Variants in CAMTA1 observed in about 807,000 individuals in gnomAD.
CAMTA1 encodes the protein calmodulin binding transcription activator 1.
A neutral mutation model predicts 170.9 loss-of-function variants in CAMTA1; 27 were observed. The ratio of observed to expected loss-of-function variants is 0.16; its 90% CI spans 0.12 to 0.22. The LOEUF (loss-of-function observed/expected upper bound fraction) is 0.22, where lower values mean the gene tolerates loss of function less well. Among genes scored for constraint, CAMTA1 ranks in the 10% least tolerant of loss-of-function variants. CAMTA1 has a pLI of 1.00. For missense variants in CAMTA1, 1,619 were observed against 2,217.2 expected (o/e 0.73, Z 5.42); for synonymous variants, 833 against 891.5 (o/e 0.93, Z 1.17).
intron 6 of CAMTA1, among the ~76,000 whole-genome samples, chr1:7,529,144 T>C (rs1367031221): frequency 6.6e-6 from 1 of 152,102 alleles, no homozygotes; most frequent in Non-Finnish European, 1.5e-5. Context: ...GGGGCCTCCA[T>C]AAAACTCATA....
chr1:7,441,280 C>T (rs1202593617), intron 5 of CAMTA1: 1 of 152,232 alleles, frequency 6.6e-6, no homozygotes, highest in Non-Finnish European at 1.5e-5. Context: ...GGGCACACAC[C>T]CTTGATGCTT....
chr1:7,003,696 A>T (rs1450394792), intron 3 of CAMTA1, among the ~76,000 whole-genome samples: 2 of 152,240 alleles, frequency 1.3e-5, no homozygotes, highest in East Asian at 3.8e-4. Context: ...GAGGCCACAG[A>T]GGTACTTTGT....
chr1:7,281,375 A>C (rs1162922276), intron 5 of CAMTA1, among the ~76,000 whole-genome samples: 1 of 152,216 alleles, frequency 6.6e-6, no homozygotes, highest in African/African-American at 2.4e-5. Context: ...GAGAAAATAA[A>C]AGTTGTAGAA....
rs2095996348 is a variant in CAMTA1, at chr1:7,665,805, T to C, written c.2652+606T>C. On this transcript the variant is annotated intron_variant, in intron 9 of 22. Transcript: ENST00000303635. This position sits in a 1 kb window ranked among gnomAD's most constrained non-coding sequence, Gnocchi z 4.3. ...CGTCTGCCGTTTCTCAATTTATGTG[T>C]TGAGTCCATCTATGTTTTGCTTTGC... Among the ~76,000 whole-genome samples, 1 of 152,118 alleles carries C rather than the reference T, an allele frequency of 6.6e-6. No individual in the cohort carries two copies. The highest frequency in any genetic ancestry group is 6.5e-5 in the Admixed American group (1 of 15,282).
At chr1:7,711,653 G>T (rs150700768) in intron 11 of CAMTA1, among the ~76,000 whole-genome samples, 147 of 152,290 alleles carry the variant, frequency 9.7e-4, no homozygotes, top group African/African-American at 3.5e-3. Flanking sequence ...TTTCCAGAAA[G>T]TATGGTTCAA....
chr1:7,672,288 G>A (rs1180971079), intron 10 of CAMTA1, among the ~76,000 whole-genome samples: 1 of 151,864 alleles, frequency 6.6e-6, no homozygotes, highest in Non-Finnish European at 1.5e-5. Context: ...TCCACCCAAG[G>A]TGGTCCAGCC....
intron 3 of CAMTA1, among the ~76,000 whole-genome samples, chr1:6,998,006 T>C (rs1697588480): frequency 6.6e-6 from 1 of 152,142 alleles, no homozygotes; most frequent in African/African-American, 2.4e-5. Flanking sequence ...ATCTTTTTTT[T>C]GATGCATTCT....
At chr1:7,099,117 C>T (rs61782776) in intron 4 of CAMTA1, among the ~76,000 whole-genome samples, 17,046 of 151,472 alleles carry the variant, frequency 0.11, 1,151 homozygotes, top group East Asian at 0.25. Flanking sequence ...CGTGTGATCT[C>T]GGCTCACTGC....
chr1:7,226,999 A>T (rs1236408435), intron 4 of CAMTA1, among the ~76,000 whole-genome samples: 1 of 150,808 alleles, frequency 6.6e-6, no homozygotes, highest in African/African-American at 2.4e-5. Context: ...CGCCTGGCTA[A>T]TTTTTTTGTA....
intron 4 of CAMTA1, among the ~76,000 whole-genome samples, chr1:7,246,950 T>G (rs1393175423): frequency 6.6e-6 from 1 of 152,038 alleles, no homozygotes; most frequent in Non-Finnish European, 1.5e-5. Flanking sequence ...CTGACTTGCT[T>G]TTGATTCTTT....
At chr1:7,096,761 C>G (rs1244402757) in intron 4 of CAMTA1, among the ~76,000 whole-genome samples, 5 of 152,216 alleles carry the variant, frequency 3.3e-5, no homozygotes, top group African/African-American at 4.8e-5. Flanking sequence ...ATATCTCCTA[C>G]TAGGTTTCCT....
Position 7,251,042 on chromosome 1 carries a change from TG to T in CAMTA1, c.438+1419del, listed in dbSNP as rs894102001. Among the ~76,000 whole-genome samples the T allele has an allele frequency of 5.3e-5, 8 of 152,146 alleles. No individual in the cohort carries two copies. The highest frequency in any genetic ancestry group is 1.9e-4 in the African/African-American group (8 of 41,442). ...GGAGAGGTAGAGAGTGAGGCAAGGC[TG>T]GGTGGGGCCCCCGAACAACGAGGCT... On this transcript the variant is annotated intron_variant, in intron 5 of 22. Transcript: ENST00000303635. This position sits in a 1 kb window ranked among gnomAD's most constrained non-coding sequence, Gnocchi z 5.1.
intron 1 of CAMTA1, among the ~76,000 whole-genome samples, chr1:6,793,476 G>C (rs1641700489): frequency 6.6e-6 from 1 of 152,178 alleles, no homozygotes; most frequent in Non-Finnish European, 1.5e-5. Context: ...ATGTCTAAGA[G>C]AATGGGGAGC....
intron 3 of CAMTA1, among the ~76,000 whole-genome samples, chr1:6,985,040 G>A (rs1041797734): frequency 3.9e-5 from 6 of 152,196 alleles, no homozygotes; most frequent in Admixed American, 2.6e-4. Flanking sequence ...CTCACATCCC[G>A]TTTGATGACT....
intron 3 of CAMTA1, among the ~76,000 whole-genome samples, chr1:7,053,486 G>T (rs1020691149): frequency 6.6e-6 from 1 of 152,208 alleles, no homozygotes; most frequent in Non-Finnish European, 1.5e-5. Context: ...GGCCTTGTTA[G>T]AATGAGCGTC....
intron 6 of CAMTA1, among the ~76,000 whole-genome samples, chr1:7,472,902 G>T (rs1165182388): frequency 6.6e-6 from 1 of 152,176 alleles, no homozygotes; most frequent in Non-Finnish European, 1.5e-5. Flanking sequence ...ACTCCAGGCG[G>T]TCCTGGCCCC....
chr1:7,616,720 A>G (rs983681027), intron 6 of CAMTA1, among the ~76,000 whole-genome samples: 3 of 152,164 alleles, frequency 2.0e-5, no homozygotes, highest in Non-Finnish European at 2.9e-5. Context: ...CAGAGGGAGA[A>G]GCGTGACAGG....
chr1:6,798,459 A>T (rs1282421884), intron 1 of CAMTA1, among the ~76,000 whole-genome samples: 2 of 152,040 alleles, frequency 1.3e-5, no homozygotes. Flanking sequence ...TTTGAGACAG[A>T]GTCTATCTCT....
Position 6,869,106 on chromosome 1 carries a change from G to C in CAMTA1, c.234+43896G>C, listed in dbSNP as rs182591803. 8.5e-5 allele frequency among the ~76,000 whole-genome samples: 13 copies of C among 152,332 alleles called. No individual in the cohort carries two copies. In the East Asian group the frequency reaches 2.5e-3, roughly 29 times the overall value. ...AATGAAAACCCCTCAGGCTCAGTCT[G>C]TTCATGCACTGGTGTGTATTAATTC... On this transcript the variant is annotated intron_variant, in intron 3 of 22. Transcript: ENST00000303635.
Sources: allele counts gnomAD v4.1 joint callset (sites outside exome capture counted in the v4.1 genomes callset), GRCh38; gene constraint gnomAD v4.1.1; non-coding constraint Gnocchi (gnomAD v3.1); transcripts MANE v1.5; gene names NCBI Gene and HGNC (gene_info 2026-07-23, HGNC 2026-07-21).